FRMPD1: variants seen among roughly 807,000 people sequenced by gnomAD.
FRMPD1 encodes FERM and PDZ domain containing 1, also known as FERM and PDZ domain-containing protein 1.
A neutral mutation model predicts 117.8 loss-of-function variants in FRMPD1; 76 were observed. The ratio of observed to expected loss-of-function variants is 0.65; its 90% CI spans 0.54 to 0.78. FRMPD1 has a LOEUF of 0.78. FRMPD1 is among the 30% of genes least tolerant of loss of function. FRMPD1 has a pLI of 0.00. For missense variants in FRMPD1, 1,786 were observed against 1,964.5 expected, an observed-to-expected ratio of 0.91 and a Z score of 1.72; for synonymous variants, 783 against 770.4, an observed-to-expected ratio of 1.02 and a Z score of -0.27.
At position 37,724,172 on chromosome 9, in the gene FRMPD1, TC is replaced by T. The variant is rs1823518976; in HGVS notation, c.517-51del. ...CTGGGTGACAGAGAGAGACCCTGTCTCCAGAAGGAATAAAAAAAGACAGGGA... is the reference window on the plus strand; with the variant it reads ...CTGGGTGACAGAGAGAGACCCTGTCTCAGAAGGAATAAAAAAAGACAGGGA... On this transcript the variant is annotated intron_variant, in intron 6 of 15. Coordinates refer to ENST00000377765, the MANE Select transcript of FRMPD1 (RefSeq NM_014907.3). 8 of 922,412 alleles carry T rather than the reference TC, an allele frequency of 8.7e-6. No individual in the cohort carries two copies. In the South Asian group the frequency reaches 1.1e-4, roughly 12 times the overall value. The allele number at this position is 922,412 out of a possible 1,614,324, so 57.1% of individuals were successfully genotyped here.
chr9:37,608,485 C>T, the FRMPD1 span, among the ~76,000 whole-genome samples: 1 of 150,342 alleles, frequency 6.7e-6, no homozygotes, highest in Non-Finnish European at 1.5e-5. Context: ...TTCCTTCTTT[C>T]CTTCCTTCCA....
chr9:37,652,885 ACT>A (rs1820721573), intron 1 of FRMPD1, among the ~76,000 whole-genome samples: 1 of 152,192 alleles, frequency 6.6e-6, no homozygotes, highest in Non-Finnish European at 1.5e-5. Flanking sequence ...TCCTGTGAAC[ACT>A]AAGGAGGGTG....
intron 7 of FRMPD1, 95 bp from the exon 8 acceptor site, chr9:37,729,633 C>T: frequency 7.5e-7 from 1 of 1,330,040 alleles, no homozygotes; most frequent in South Asian, 1.3e-5. Context: ...TCAGTGCAGG[C>T]TTTTCTCTCC....
In FRMPD1 at chr9:37,735,633, A is replaced by G. The variant is rs141573129; in HGVS notation, c.1300A>G (p.Ile434Val). ...ISQVINSKLN[I>V]MSTLAEFANI... ...CCAGGTTATCAATAGCAAACTCAACATCATGTCCACATTGGCAGAGTTTGC... is the reference window on the plus strand; with the variant it reads ...CCAGGTTATCAATAGCAAACTCAACGTCATGTCCACATTGGCAGAGTTTGC... Residue 434 changes from isoleucine to valine, a missense_variant, in exon 13 of 16, where the codon ATC (isoleucine) becomes GTC (valine). Transcript: ENST00000377765. 1,088 of 1,613,646 alleles carry G rather than the reference A, an allele frequency of 6.7e-4. 9 individuals are homozygous for G. The highest frequency in any genetic ancestry group is 1.3e-4 in the Non-Finnish European group (153 of 1,179,540).
intron 1 of FRMPD1, among the ~76,000 whole-genome samples, chr9:37,665,889 G>A (rs1212500027): frequency 1.3e-5 from 2 of 152,188 alleles, no homozygotes; most frequent in Non-Finnish European, 2.9e-5. Context: ...GTCTGTTGGA[G>A]AGGTTTATTT....
At chr9:37,672,970 GC>G (rs2117851985) in intron 1 of FRMPD1, among the ~76,000 whole-genome samples, 1 of 152,292 alleles carries the variant, frequency 6.6e-6, no homozygotes, top group African/African-American at 2.4e-5. Context: ...TGGGGACACA[GC>G]CAAACCATAT....
chr9:37,609,363 T>C, the FRMPD1 span, among the ~76,000 whole-genome samples: 8 of 152,036 alleles, frequency 5.3e-5, no homozygotes, highest in Non-Finnish European at 2.9e-5. Flanking sequence ...TTCTCGTTCC[T>C]CTGCCCCCAA....
chr9:37,677,748 C>T (rs1342234298), intron 1 of FRMPD1, among the ~76,000 whole-genome samples: 1 of 152,232 alleles, frequency 6.6e-6, no homozygotes, highest in Non-Finnish European at 1.5e-5. Flanking sequence ...GACCACCAAA[C>T]AAGATCATCT....
chr9:37,616,759 A>G, the FRMPD1 span, among the ~76,000 whole-genome samples: 4 of 152,208 alleles, frequency 2.6e-5, no homozygotes, highest in African/African-American at 4.8e-5. Flanking sequence ...GTCTCTCCGT[A>G]TCTCTAGGAG....
intron 1 of FRMPD1, among the ~76,000 whole-genome samples, chr9:37,652,159 T>TG (rs1820694534): frequency 6.6e-6 from 1 of 152,088 alleles, no homozygotes; most frequent in South Asian, 2.1e-4. Context: ...AATGGTTGTT[T>TG]GGGAAAAAAA....
intron 1 of FRMPD1, among the ~76,000 whole-genome samples, chr9:37,652,108 C>G (rs148585987): frequency 6.6e-6 from 1 of 152,144 alleles, no homozygotes; most frequent in East Asian, 1.9e-4. Flanking sequence ...GATCAGGAAG[C>G]GTTTCTGTTT....
At chr9:37,721,417 A>AT (rs2118280482) in intron 6 of FRMPD1, among the ~76,000 whole-genome samples, 1 of 152,360 alleles carries the variant, frequency 6.6e-6, no homozygotes, top group South Asian at 2.1e-4. Flanking sequence ...CATTTGAAAT[A>AT]TGTTTGACTT....
chr9:37,699,598 G>A (rs1822462184), intron 2 of FRMPD1, among the ~76,000 whole-genome samples: 3 of 152,066 alleles, frequency 2.0e-5, no homozygotes. Context: ...AGGATTACAG[G>A]CATGAGCCAC....
At chr9:37,732,564 A>G in intron 10 of FRMPD1, 124 bp downstream of exon 10, 1 of 947,124 alleles carries the variant, frequency 1.1e-6, no homozygotes, top group Non-Finnish European at 1.5e-6. Context: ...CTTTCCATCC[A>G]TTTCCCTCTG....
intron 4 of FRMPD1, among the ~76,000 whole-genome samples, chr9:37,709,049 A>T (rs1201394949): frequency 3.3e-5 from 5 of 152,172 alleles, no homozygotes; most frequent in African/African-American, 1.2e-4. Flanking sequence ...ATTTCCTGAG[A>T]CCAGGGCTCA....
intron 1 of FRMPD1, among the ~76,000 whole-genome samples, chr9:37,686,281 A>AG (rs1212448108): frequency 1.3e-5 from 2 of 152,218 alleles, no homozygotes; most frequent in African/African-American, 4.8e-5. Context: ...GAGTGGCCAG[A>AG]GGGCAGCATT....
In FRMPD1 at chr9:37,711,912, C is replaced by T. The variant is rs1322558002; in HGVS notation, c.408+517C>T. Among the ~76,000 whole-genome samples the T allele has an allele frequency of 9.9e-5, 15 of 152,054 alleles. No individual in the cohort carries two copies. The East Asian group carries it at 2.9e-3, about 29-fold the overall frequency. On this transcript the variant is annotated intron_variant, in intron 5 of 15. Transcript: ENST00000377765. The stretch of plus-strand genomic sequence containing the variant: ...GCGGCAATCCTAAACCACCACAGGC[C>T]GAGGAGCTCCTTATGTATTATTTAG...
At chr9:37,715,983 T>C (rs974707798) in intron 5 of FRMPD1, among the ~76,000 whole-genome samples, 1 of 152,138 alleles carries the variant, frequency 6.6e-6, no homozygotes, top group Non-Finnish European at 1.5e-5. Context: ...CCATTCCTCA[T>C]AGATGGGTTT....
chr9:37,685,618 C>G (rs780388839), intron 1 of FRMPD1, among the ~76,000 whole-genome samples: 4 of 152,100 alleles, frequency 2.6e-5, no homozygotes, highest in Admixed American at 6.5e-5. Context: ...TGCCACTGCA[C>G]TACAGCCTAG....
Sources: allele counts gnomAD v4.1 joint callset (sites outside exome capture counted in the v4.1 genomes callset), GRCh38; gene constraint gnomAD v4.1.1; transcripts MANE v1.5; gene names NCBI Gene and HGNC (gene_info 2026-07-23, HGNC 2026-07-21).